PDE1A: variants seen among roughly 807,000 people sequenced by gnomAD.
PDE1A encodes phosphodiesterase 1A.
PDE1A carries 35 observed loss-of-function variants against 61.7 expected under a neutral mutation model. The ratio of observed to expected loss-of-function variants is 0.57; its 90% confidence interval spans 0.43 to 0.75. The LOEUF (loss-of-function observed/expected upper bound fraction) is 0.75, where lower values mean the gene tolerates loss of function less well. PDE1A is among the 30% of genes least tolerant of loss of function. PDE1A has a pLI of 0.00. For missense variants in PDE1A, 597 were observed against 630.6 expected, an observed-to-expected ratio of 0.95 and a Z score of 0.57; for synonymous variants, 232 against 213.2, an observed-to-expected ratio of 1.09 and a Z score of -0.77.
the PDE1A span, among the ~76,000 whole-genome samples, chr2:182,571,785 G>A: frequency 4.5e-3 from 692 of 152,206 alleles, 4 homozygotes; most frequent in African/African-American, 0.015. Context: ...CGGTGTAGTA[G>A]CAACTTTTCA....
chr2:182,553,608 T>C, the PDE1A span, among the ~76,000 whole-genome samples: 1 of 152,212 alleles, frequency 6.6e-6, no homozygotes, highest in African/African-American at 2.4e-5. Context: ...GGAGATATGA[T>C]TACAGTTCAA....
chr2:182,196,669 A>G (rs1240560846), intron 10 of PDE1A, among the ~76,000 whole-genome samples: 2 of 151,722 alleles, frequency 1.3e-5, no homozygotes, highest in East Asian at 1.9e-4. Flanking sequence ...TTCTATCACC[A>G]TATATTAATT....
the PDE1A span, among the ~76,000 whole-genome samples, chr2:182,647,368 T>C: frequency 6.6e-6 from 1 of 152,204 alleles, no homozygotes; most frequent in South Asian, 2.1e-4. Flanking sequence ...CAATAAAGCA[T>C]AGTTAGATTA....
intron 1 of PDE1A, among the ~76,000 whole-genome samples, chr2:182,377,303 CT>C (rs1368606372): frequency 1.3e-5 from 2 of 152,150 alleles, no homozygotes; most frequent in Non-Finnish European, 2.9e-5. Flanking sequence ...CCTACACCCC[CT>C]GACCCTTTAT....
intron 1 of PDE1A, among the ~76,000 whole-genome samples, chr2:182,327,149 T>C (rs998590230): frequency 6.6e-6 from 1 of 152,166 alleles, no homozygotes; most frequent in Non-Finnish European, 1.5e-5. Flanking sequence ...GACATTTCTT[T>C]GAACAAGACA....
At chr2:182,514,847 A>G (rs1690033262) in intron 2 of PDE1A, among the ~76,000 whole-genome samples, 1 of 152,206 alleles carries the variant, frequency 6.6e-6, no homozygotes, top group African/African-American at 2.4e-5. Flanking sequence ...GAGCTTCTGC[A>G]CAGCAAAAGA....
At chr2:182,384,449 A>G (rs1700909143) in intron 1 of PDE1A, among the ~76,000 whole-genome samples, 1 of 129,022 alleles carries the variant, frequency 7.8e-6, no homozygotes, top group Admixed American at 8.6e-5. Flanking sequence ...GCAAAATTTA[A>G]TAAAGAGAAA....
intron 1 of PDE1A, among the ~76,000 whole-genome samples, chr2:182,289,933 T>C (rs944904693): frequency 2.0e-4 from 31 of 152,104 alleles, no homozygotes; most frequent in African/African-American, 7.2e-4. Context: ...ATCAAACATA[T>C]TCTGTATTGA....
intron 1 of PDE1A, among the ~76,000 whole-genome samples, chr2:182,277,211 TA>T (rs1343100433): frequency 2.6e-5 from 4 of 152,020 alleles, no homozygotes; most frequent in African/African-American, 9.7e-5. Flanking sequence ...TTGAAATCCT[TA>T]ATAAAACTTG....
chr2:182,557,664 A>G, the PDE1A span, among the ~76,000 whole-genome samples: 1 of 152,164 alleles, frequency 6.6e-6, no homozygotes, highest in Admixed American at 6.5e-5. Context: ...GTGAGCCAAA[A>G]TCGTGCCACT....
intron 2 of PDE1A, among the ~76,000 whole-genome samples, chr2:182,504,337 T>C (rs977037756): frequency 6.6e-6 from 1 of 152,236 alleles, no homozygotes; most frequent in African/African-American, 2.4e-5. Flanking sequence ...TACTGGTAGA[T>C]ACAACCAAAT....
the PDE1A span, among the ~76,000 whole-genome samples, chr2:182,689,129 A>G: frequency 6.6e-6 from 1 of 152,222 alleles, no homozygotes; most frequent in Non-Finnish European, 1.5e-5. Context: ...CGAGACAGAA[A>G]GTTAACAAGG....
At chr2:182,370,315 G>C (rs932335810) in intron 1 of PDE1A, among the ~76,000 whole-genome samples, 1 of 152,122 alleles carries the variant, frequency 6.6e-6, no homozygotes, top group African/African-American at 2.4e-5. Context: ...TTAATAGGTC[G>C]CATGCCTAAT....
At chr2:182,173,357 A>G (rs1692420966) in intron 13 of PDE1A, among the ~76,000 whole-genome samples, 1 of 152,008 alleles carries the variant, frequency 6.6e-6, no homozygotes, top group African/African-American at 2.4e-5. Flanking sequence ...CACACCATTC[A>G]AACAATTATT....
intron 1 of PDE1A, among the ~76,000 whole-genome samples, chr2:182,357,046 G>A (rs1037515773): frequency 3.3e-5 from 5 of 152,000 alleles, no homozygotes; most frequent in South Asian, 2.1e-4. Context: ...TGTGGGGAGC[G>A]GGGAGGGATA....
chr2:182,661,451 C>G, the PDE1A span, among the ~76,000 whole-genome samples: 2 of 152,162 alleles, frequency 1.3e-5, no homozygotes, highest in Non-Finnish European at 2.9e-5. Context: ...TTCTCAACCA[C>G]TGATTACAAG....
the PDE1A span, among the ~76,000 whole-genome samples, chr2:182,598,686 G>A: frequency 6.6e-6 from 1 of 152,108 alleles, no homozygotes; most frequent in Non-Finnish European, 1.5e-5. Flanking sequence ...GGGCAGGGCA[G>A]AGTAGGGGAA....
the PDE1A span, among the ~76,000 whole-genome samples, chr2:182,644,263 CTGTGTGTGTGTGTGTGTGTG>C: frequency 8.1e-6 from 1 of 123,044 alleles, no homozygotes; most frequent in Non-Finnish European, 1.7e-5. Context: ...TCTTAAGACT[CTGTGTGTGTGTGTGTGTGTG>C]TGTGTGTGTG....
the PDE1A span, among the ~76,000 whole-genome samples, chr2:182,640,516 C>T: frequency 4.6e-5 from 7 of 152,058 alleles, no homozygotes; most frequent in Non-Finnish European, 1.0e-4. Flanking sequence ...TTAATAGAAA[C>T]ATACGTATAT....
Sources: allele counts gnomAD v4.1 joint callset (sites outside exome capture counted in the v4.1 genomes callset), GRCh38; gene constraint gnomAD v4.1.1; transcripts MANE v1.5; gene names NCBI Gene and HGNC (gene_info 2026-07-23, HGNC 2026-07-21).